Variants in NFIB observed in about 807,000 individuals in gnomAD.
NFIB encodes the protein nuclear factor 1 B-type.
A neutral mutation model predicts 61.5 loss-of-function variants in NFIB; 11 were observed. The observed-to-expected ratio is 0.18, with a 90% CI of 0.11 to 0.30. NFIB has a LOEUF of 0.30. NFIB is among the 10% of genes least tolerant of loss of function. The probability of loss-of-function intolerance (pLI) is 1.00; values close to 1 mark genes in which losing one functional copy is unlikely to be tolerated. For synonymous variants in NFIB, 260 were observed against 216.5 expected (o/e 1.20, Z -1.76); for missense variants, 471 against 608.9 (o/e 0.77, Z 2.38).
intron 2 of NFIB, among the ~76,000 whole-genome samples, chr9:14,295,561 G>A (rs560179712): frequency 6.6e-6 from 1 of 152,104 alleles, no homozygotes; most frequent in East Asian, 1.9e-4. Flanking sequence ...AACCCGGGAG[G>A]CGGAGCTTAC....
chr9:14,143,991 A>AGAGTGTGTGTGTGTGTGTGT (rs1554647267), intron 6 of NFIB, among the ~76,000 whole-genome samples: 1 of 134,150 alleles, frequency 7.5e-6, no homozygotes, highest in African/African-American at 2.8e-5. Flanking sequence ...AAAGTGACAG[A>AGAGTGTGTGTGTGTGTGTGT]GTGTGTGTGT....
intron 2 of NFIB, among the ~76,000 whole-genome samples, chr9:14,290,203 T>C (rs951005869): frequency 2.6e-5 from 4 of 152,112 alleles, no homozygotes; most frequent in African/African-American, 4.8e-5. Context: ...TGTGGCTCTA[T>C]ACCATTCACA....
chr9:14,367,033 C>G (rs1336273912), intron 1 of NFIB, among the ~76,000 whole-genome samples: 1 of 152,140 alleles, frequency 6.6e-6, no homozygotes, highest in Non-Finnish European at 1.5e-5. Flanking sequence ...CACTTATCAA[C>G]AAATTATACT....
chr9:14,121,746 C>CCAT (rs1268772180), intron 7 of NFIB, among the ~76,000 whole-genome samples: 3 of 151,866 alleles, frequency 2.0e-5, no homozygotes, highest in African/African-American at 7.3e-5. Flanking sequence ...ATTACTTTAC[C>CCAT]CATATATCAC....
chr9:14,254,319 A>C (rs980304018), intron 2 of NFIB, among the ~76,000 whole-genome samples: 1 of 152,130 alleles, frequency 6.6e-6, no homozygotes, highest in East Asian at 1.9e-4. Flanking sequence ...AAACAAAACA[A>C]AACAAAACAA....
chr9:14,206,709 A>G (rs890048570), intron 2 of NFIB, among the ~76,000 whole-genome samples: 20 of 151,384 alleles, frequency 1.3e-4, no homozygotes, highest in African/African-American at 4.6e-4. Context: ...AAAAAAAAAA[A>G]AAAAAAAAAA....
At chr9:14,164,322 T>C (rs576458205) in intron 3 of NFIB, among the ~76,000 whole-genome samples, 1 of 152,112 alleles carries the variant, frequency 6.6e-6, no homozygotes, top group South Asian at 2.1e-4. Context: ...AGAGTGTACT[T>C]ACACAAACCT....
chr9:14,092,856 C>T (rs2034159220), intron 10 of NFIB, among the ~76,000 whole-genome samples: 1 of 152,008 alleles, frequency 6.6e-6, no homozygotes, highest in African/African-American at 2.4e-5. Flanking sequence ...TTCTATATGT[C>T]TTATCCTGGA....
At chr9:14,416,323 A>T in the NFIB span, among the ~76,000 whole-genome samples, 1 of 152,200 alleles carries the variant, frequency 6.6e-6, no homozygotes, top group Admixed American at 6.5e-5. Context: ...AGCCTAAGGC[A>T]GGTCCTTCAG....
intron 1 of NFIB, among the ~76,000 whole-genome samples, chr9:14,380,918 G>C (rs1444625097): frequency 6.6e-6 from 1 of 151,738 alleles, no homozygotes; most frequent in African/African-American, 2.4e-5. Flanking sequence ...CCAGCACTCA[G>C]ATCTCCTCCA....
chr9:14,125,436 G>A (rs564629670), intron 7 of NFIB, among the ~76,000 whole-genome samples, 196 bp downstream of exon 7: 7 of 152,324 alleles, frequency 4.6e-5, no homozygotes, highest in South Asian at 2.1e-4. Flanking sequence ...GATTACAGGC[G>A]TGAGCCCCTG....
chr9:14,335,542 T>G (rs2060876172), intron 1 of NFIB, among the ~76,000 whole-genome samples: 1 of 152,254 alleles, frequency 6.6e-6, no homozygotes, highest in Non-Finnish European at 1.5e-5. Flanking sequence ...TTGGGTTGTT[T>G]GTTTTCTTAC....
intron 10 of NFIB, among the ~76,000 whole-genome samples, chr9:14,097,420 C>G (rs964707756): frequency 6.6e-6 from 1 of 152,136 alleles, no homozygotes; most frequent in Non-Finnish European, 1.5e-5. Context: ...AAAGCTCCCC[C>G]CAGGAACTCC....
intron 6 of NFIB, among the ~76,000 whole-genome samples, chr9:14,137,364 A>G (rs566586845): frequency 1.3e-5 from 2 of 152,342 alleles, no homozygotes; most frequent in African/African-American, 4.8e-5. Context: ...AAGCAGCCCA[A>G]TTATTGTTAT....
intron 2 of NFIB, among the ~76,000 whole-genome samples, chr9:14,207,286 A>G (rs946252396): frequency 2.0e-5 from 3 of 152,220 alleles, no homozygotes; most frequent in African/African-American, 7.2e-5. Flanking sequence ...TGGACAGAAA[A>G]AGAGATACAG....
chr9:14,459,023 G>A, the NFIB span, among the ~76,000 whole-genome samples: 2 of 152,074 alleles, frequency 1.3e-5, no homozygotes, highest in Non-Finnish European at 2.9e-5. Flanking sequence ...CTACTTTAAA[G>A]TTCATATGGA....
chr9:14,149,817 C>A (rs1388713919), intron 5 of NFIB, among the ~76,000 whole-genome samples: 1 of 152,058 alleles, frequency 6.6e-6, no homozygotes, highest in Non-Finnish European at 1.5e-5. Flanking sequence ...GAGATCATTG[C>A]CACAGCAACA....
chr9:14,233,279 A>C (rs1358630294), intron 2 of NFIB, among the ~76,000 whole-genome samples: 1 of 152,192 alleles, frequency 6.6e-6, no homozygotes, highest in Non-Finnish European at 1.5e-5. Context: ...CCTTCATGAG[A>C]AACTGGAAGC....
intron 2 of NFIB, among the ~76,000 whole-genome samples, chr9:14,287,455 C>T (rs1351312237): frequency 6.6e-6 from 1 of 151,666 alleles, no homozygotes; most frequent in Non-Finnish European, 1.5e-5. Flanking sequence ...CGGAGTTCTG[C>T]TCTCGTTGCT....
Sources: allele counts gnomAD v4.1 joint callset (sites outside exome capture counted in the v4.1 genomes callset), GRCh38; gene constraint gnomAD v4.1.1; transcripts MANE v1.5; gene names NCBI Gene and HGNC (gene_info 2026-07-23, HGNC 2026-07-21).